PHF3: variants seen among roughly 807,000 people sequenced by gnomAD.
PHF3 encodes PHD finger protein 3.
A neutral mutation model predicts 178.4 loss-of-function variants in PHF3; 41 were observed. That is an observed-to-expected ratio of 0.23 (90% CI 0.18 to 0.30). The LOEUF (loss-of-function observed/expected upper bound fraction) is 0.30, where lower values mean the gene tolerates loss of function less well. Among genes scored for constraint, PHF3 ranks in the 10% least tolerant of loss-of-function variants. PHF3 has a pLI of 1.00. For missense variants in PHF3, 2,346 were observed against 2,398.1 expected, an observed-to-expected ratio of 0.98 and a Z score of 0.45; for synonymous variants, 842 against 800.5, an observed-to-expected ratio of 1.05 and a Z score of -0.88.
intron 2 of PHF3, among the ~76,000 whole-genome samples, chr6:63,675,913 C>T (rs866896163): frequency 1.9e-4 from 29 of 152,162 alleles, no homozygotes; most frequent in African/African-American, 6.8e-4. Flanking sequence ...ATCTGATTCT[C>T]TGCTTTGTGT....
intron 12 of PHF3, 139 bp from the exon 13 acceptor site, chr6:63,706,590 A>G (rs981648485): frequency 1.5e-6 from 1 of 681,454 alleles, no homozygotes; most frequent in Non-Finnish European, 2.4e-6. Context: ...GTAATTTTAT[A>G]AAATGAAAGT....
chr6:63,683,618 T>TATA (rs1445151058), intron 3 of PHF3, among the ~76,000 whole-genome samples: 2 of 152,132 alleles, frequency 1.3e-5, no homozygotes, highest in Admixed American at 1.3e-4. Context: ...ATAAAGGAAT[T>TATA]AGAGTCCGTT....
chr6:63,690,247 T>TA (rs761181955), intron 4 of PHF3, among the ~76,000 whole-genome samples: 117 of 152,256 alleles, frequency 7.7e-4, no homozygotes, highest in Non-Finnish European at 1.4e-3. Flanking sequence ...ATTATTTTTT[T>TA]AAACCAAATT....
chr6:63,712,526 C>G lies in PHF3; in HGVS notation c.4938C>G (p.Ile1646Met), dbSNP rs370861065. The change falls in exon 16 of 16, where the codon ATC becomes ATG. Residue 1646 changes from isoleucine (I) to methionine (M), a missense_variant. By Grantham distance (10) the Ile-to-Met change is conservative. Coordinates refer to ENST00000262043, the MANE Select transcript of PHF3 (RefSeq NM_001370348.2). Reference protein sequence around the residue: ...VANTARSPQFINLKRDPRQAA... With the variant: ...VANTARSPQFMNLKRDPRQAA... Reference sequence around the variant, plus strand: ...ATACAGCGAGGTCTCCACAGTTTATCAACCTGAAAAGGGATCCTAGGCAAG... The same window carrying G: ...ATACAGCGAGGTCTCCACAGTTTATGAACCTGAAAAGGGATCCTAGGCAAG... 42 of 1,613,678 alleles carry G rather than the reference C, an allele frequency of 2.6e-5. No homozygotes were observed. The highest frequency in any genetic ancestry group is 3.5e-5 in the Non-Finnish European group (41 of 1,179,890).
In PHF3 at chr6:63,680,014, G is replaced by A. The variant is rs200825087; in HGVS notation, c.259G>A (p.Asp87Asn). 2.0e-4 allele frequency: 330 copies of A among 1,609,800 alleles called. 1 individual carries two copies. The highest frequency in any genetic ancestry group is 5.9e-6 in the Non-Finnish European group (7 of 1,178,304). The change falls in exon 3 of 16, where the codon GAT becomes AAT. Residue 87 changes from aspartate to asparagine, a missense_variant. This residue lies in a region of PHF3 where 843 missense variants were observed against 795.2 expected (regional missense o/e 1.06). Transcript: ENST00000262043. ...TTTTTTTCTAGTTGTTGGTCTTGACGATATTATGGATGAAGGAGTTGTTAA... is the reference window on the plus strand; with the variant it reads ...TTTTTTTCTAGTTGTTGGTCTTGACAATATTATGGATGAAGGAGTTGTTAA... ...MPCSTVVGLD[D>N]IMDEGVVKES...
intron 1 of PHF3, among the ~76,000 whole-genome samples, chr6:63,646,249 GT>G (rs963543990): frequency 1.1e-4 from 16 of 151,124 alleles, no homozygotes; most frequent in South Asian, 2.1e-4. Flanking sequence ...TATATACATA[GT>G]TTTTTTTTCC....
At position 63,698,622 on chromosome 6, in the gene PHF3, C is replaced by A. The variant is rs1767338414; in HGVS notation, c.2982+17C>A. ...AAAAACAATGTAAGTATGCTTTGTT[C>A]ATATGTTTATGCTTCCAACTTTCCT... On this transcript the variant is annotated intron_variant, in intron 8 of 15. Transcript: ENST00000262043. 1 of 1,522,212 alleles carries A rather than the reference C, an allele frequency of 6.6e-7. No individual in the cohort carries two copies. Among genetic ancestry groups the A allele is most frequent in the Non-Finnish European group, 8.8e-7 (1 of 1,133,578 alleles). 94.3% of individuals were successfully genotyped at this position (1,522,212 alleles called of 1,614,324 possible). A position where few individuals can be genotyped will look rare whatever the true frequency, so the allele number is the denominator to read the frequency against.
chr6:63,653,046 A>AT (rs930828650), intron 2 of PHF3, among the ~76,000 whole-genome samples: 19 of 77,956 alleles, frequency 2.4e-4, no homozygotes, highest in South Asian at 7.5e-4. Context: ...GGTTCTGTGT[A>AT]TTTTTTTTTG....
chr6:63,724,655 T>C lies in PHF3; in HGVS notation c.*10947T>C, dbSNP rs1032816953. The stretch of plus-strand genomic sequence containing the variant: ...GAGTCTTATTTCTTTAAAATATCTT[T>C]CAAAAATCAGAGATCTGAGATCATC... On this transcript the variant is annotated 3_prime_UTR_variant, in exon 16 of 16. Coordinates refer to ENST00000262043, the MANE Select transcript of PHF3 (RefSeq NM_001370348.2). 6.6e-6 allele frequency among the ~76,000 whole-genome samples: 1 copy of C among 152,084 alleles called. No homozygotes were observed. The highest frequency in any genetic ancestry group is 2.1e-4 in the South Asian group (1 of 4,834).
intron 2 of PHF3, among the ~76,000 whole-genome samples, chr6:63,678,509 A>G (rs1177146989): frequency 2.0e-5 from 3 of 152,042 alleles, no homozygotes; most frequent in Admixed American, 1.3e-4. Context: ...GGAAAAAGGT[A>G]TATTCTTATC....
chr6:63,641,040 A>G (rs1022517817), intron 1 of PHF3, among the ~76,000 whole-genome samples: 5 of 152,260 alleles, frequency 3.3e-5, no homozygotes, highest in African/African-American at 9.6e-5. Flanking sequence ...TTGAAGTTTG[A>G]GCACAAGAAG....
At position 63,711,945 on chromosome 6, in the gene PHF3, CAACCTACTACTCTGGAATTAGCA is replaced by C; in HGVS notation, c.4360_4382del (p.Pro1454Ter). On this transcript the variant is annotated frameshift_variant, in exon 16 of 16. Coordinates refer to ENST00000262043, the MANE Select transcript of PHF3 (RefSeq NM_001370348.2). LOFTEE classifies it high-confidence loss of function. The stretch of plus-strand genomic sequence containing the variant: ...TGGCGTGTTGATTGGCTGGGAGAAT[CAACCTACTACTCTGGAATTAGCA>C]AATAAACCTCTTCCTGTGGATGATA... 1 of 1,613,764 alleles carries C rather than the reference CAACCTACTACTCTGGAATTAGCA, an allele frequency of 6.2e-7. No individual in the cohort carries two copies. Among genetic ancestry groups the C allele is most frequent in the Non-Finnish European group, 8.5e-7 (1 of 1,179,922 alleles).
Position 63,722,244 on chromosome 6 carries a change from C to A in PHF3, c.*8536C>A, listed in dbSNP as rs1303247367. On this transcript the variant is annotated 3_prime_UTR_variant, in exon 16 of 16. Transcript: ENST00000262043. The stretch of plus-strand genomic sequence containing the variant: ...ACTCTCTTTACTTCAACAACACTGA[C>A]TTTGTTAATTAAGGATTTCATTCGC... 6.6e-6 allele frequency among the ~76,000 whole-genome samples: 1 copy of A among 152,086 alleles called. No individual in the cohort carries two copies.
Position 63,722,169 on chromosome 6 carries a change from T to G in PHF3, c.*8461T>G, listed in dbSNP as rs1170653666. Among the ~76,000 whole-genome samples the G allele has an allele frequency of 6.6e-6, 1 of 152,174 alleles. No individual in the cohort carries two copies. The highest frequency in any genetic ancestry group is 6.6e-5 in the Admixed American group (1 of 15,256). On this transcript the variant is annotated 3_prime_UTR_variant, in exon 16 of 16. Coordinates refer to ENST00000262043, the MANE Select transcript of PHF3 (RefSeq NM_001370348.2). ...AAATTCTCTGCACATTCCTGGCTCCTTTCCTGTCTCTCCAACCTTACCTGG... is the reference window on the plus strand; with the variant it reads ...AAATTCTCTGCACATTCCTGGCTCCGTTCCTGTCTCTCCAACCTTACCTGG...
intron 5 of PHF3, 107 bp from the exon 6 acceptor site, chr6:63,694,470 TGAAA>T (rs1767144852): frequency 2.7e-6 from 2 of 744,622 alleles, no homozygotes; most frequent in Non-Finnish European, 2.1e-6. Context: ...AGATTTCGAA[TGAAA>T]GAGTGAATCT....
At chr6:63,686,147 G>T in intron 4 of PHF3, 1 of 477,450 alleles carries the variant, frequency 2.1e-6, no homozygotes, top group Non-Finnish European at 3.7e-6. Context: ...TGACATACAT[G>T]GAAATATTTT....
chr6:63,711,114 A>G, intron 14 of PHF3, 53 bp from the exon 15 acceptor site: 1 of 1,303,350 alleles, frequency 7.7e-7, no homozygotes, highest in Non-Finnish European at 1.0e-6. Flanking sequence ...TTTAAAACCA[A>G]GCTACTCTTT....
intron 2 of PHF3, among the ~76,000 whole-genome samples, chr6:63,647,614 G>A (rs1764846344): frequency 6.6e-6 from 1 of 152,030 alleles, no homozygotes; most frequent in African/African-American, 2.4e-5. Context: ...TTATATTTCT[G>A]TTGGACAGAA....
intron 2 of PHF3, among the ~76,000 whole-genome samples, chr6:63,647,736 TC>T (rs2149540906): frequency 6.6e-6 from 1 of 152,336 alleles, no homozygotes; most frequent in African/African-American, 2.4e-5. Context: ...AAACAGTTTT[TC>T]TTTTATAAAG....
Sources: allele counts gnomAD v4.1 joint callset (sites outside exome capture counted in the v4.1 genomes callset), GRCh38; gene constraint gnomAD v4.1.1; regional missense constraint gnomAD v4.1.1; transcripts MANE v1.5; gene names NCBI Gene and HGNC (gene_info 2026-07-23, HGNC 2026-07-21).